The following COLEC10 variants were observed in gnomAD, a reference collection of about 807,000 sequenced individuals.
COLEC10 encodes collectin-10.
Under a neutral mutation model 28.4 loss-of-function variants are expected in COLEC10, and 22 were observed. That is an observed-to-expected ratio of 0.78 (90% CI 0.55 to 1.11). The LOEUF (loss-of-function observed/expected upper bound fraction) is 1.11, where lower values mean the gene tolerates loss of function less well. Ranked by LOEUF, COLEC10 falls within the 50% of genes least tolerant of loss-of-function variation. The pLI is 0.00. For synonymous variants in COLEC10, 125 were observed against 116.1 expected (o/e 1.08, Z -0.49); for missense variants, 361 against 344.1 (o/e 1.05, Z -0.39).
chr8:118,964,350 T>C, the COLEC10 span, among the ~76,000 whole-genome samples: 1 of 152,200 alleles, frequency 6.6e-6, no homozygotes, highest in South Asian at 2.1e-4. Flanking sequence ...TATAGAGCAC[T>C]AAATTAGGAG....
At chr8:119,050,957 A>G (rs1455416552) in intron 2 of COLEC10, among the ~76,000 whole-genome samples, 1 of 152,166 alleles carries the variant, frequency 6.6e-6, no homozygotes, top group Non-Finnish European at 1.5e-5. Context: ...CTAAACTATT[A>G]ATACTCCAGC....
chr8:119,004,039 T>G (rs1769100478), intron 1 of COLEC10, among the ~76,000 whole-genome samples: 1 of 152,094 alleles, frequency 6.6e-6, no homozygotes, highest in Non-Finnish European at 1.5e-5. Flanking sequence ...CCAGGACATA[T>G]GCTTAACCTA....
At chr8:119,015,746 A>C (rs1346046606) in intron 2 of COLEC10, among the ~76,000 whole-genome samples, 4 of 152,164 alleles carry the variant, frequency 2.6e-5, no homozygotes, top group African/African-American at 9.7e-5. Flanking sequence ...TTTCAGGGGC[A>C]GTAGTTTGTC....
At chr8:119,029,214 G>C (rs1032461138) in intron 2 of COLEC10, among the ~76,000 whole-genome samples, 1 of 152,136 alleles carries the variant, frequency 6.6e-6, no homozygotes, top group African/African-American at 2.4e-5. Context: ...GAAGCAGGAG[G>C]AACTTAATTA....
chr8:118,968,218 T>A, the COLEC10 span, among the ~76,000 whole-genome samples: 1 of 152,002 alleles, frequency 6.6e-6, no homozygotes, highest in African/African-American at 2.4e-5. Flanking sequence ...TGATTCAGAT[T>A]CACTTCTAGG....
intron 2 of COLEC10, among the ~76,000 whole-genome samples, chr8:119,050,228 T>G (rs1231472389): frequency 6.6e-6 from 1 of 152,220 alleles, no homozygotes; most frequent in Admixed American, 6.5e-5. Flanking sequence ...CTCTTGTAAT[T>G]TATAACTTTT....
intron 2 of COLEC10, among the ~76,000 whole-genome samples, chr8:119,053,979 C>G (rs765407362): frequency 2.6e-5 from 4 of 151,902 alleles, no homozygotes; most frequent in Non-Finnish European, 5.9e-5. Flanking sequence ...TAAAATGGAA[C>G]AATTAAAACA....
At chr8:119,048,113 T>A (rs188304449) in intron 2 of COLEC10, among the ~76,000 whole-genome samples, 59 of 152,236 alleles carry the variant, frequency 3.9e-4, no homozygotes, top group African/African-American at 1.2e-3. Context: ...TAGTACCCAA[T>A]AGGTAATTTT....
At chr8:118,984,291 G>A in the COLEC10 span, among the ~76,000 whole-genome samples, 4 of 152,062 alleles carry the variant, frequency 2.6e-5, no homozygotes, top group East Asian at 5.8e-4. Context: ...ATGAGAACAC[G>A]TGGACACTAA....
At chr8:119,056,949 C>G (rs1326065004) in intron 2 of COLEC10, among the ~76,000 whole-genome samples, 1 of 152,038 alleles carries the variant, frequency 6.6e-6, no homozygotes, top group Non-Finnish European at 1.5e-5. Context: ...ACATCATTCT[C>G]TCAACTAAGA....
the COLEC10 span, among the ~76,000 whole-genome samples, chr8:118,963,851 T>C: frequency 2.0e-5 from 3 of 152,184 alleles, no homozygotes; most frequent in Non-Finnish European, 4.4e-5. Context: ...ACTGGATAGA[T>C]ACAGAGTGCC....
At chr8:119,093,337 T>C (rs1312823138) in intron 3 of COLEC10, among the ~76,000 whole-genome samples, 2 of 152,180 alleles carry the variant, frequency 1.3e-5, no homozygotes, top group Non-Finnish European at 2.9e-5. Context: ...CAGCCTGCAT[T>C]CGGAGGCAGG....
chr8:118,963,188 G>T, the COLEC10 span, among the ~76,000 whole-genome samples: 2 of 152,086 alleles, frequency 1.3e-5, no homozygotes, highest in Non-Finnish European at 1.5e-5. Context: ...AGTGATAAAG[G>T]TAATAACAAC....
intron 2 of COLEC10, among the ~76,000 whole-genome samples, chr8:119,041,044 G>A (rs1261504890): frequency 6.6e-6 from 1 of 152,222 alleles, no homozygotes; most frequent in African/African-American, 2.4e-5. Flanking sequence ...TTTAGTTAGT[G>A]TGCCTGGACA....
At chr8:119,019,162 G>A (rs1456645423) in intron 2 of COLEC10, among the ~76,000 whole-genome samples, 2 of 152,148 alleles carry the variant, frequency 1.3e-5, no homozygotes, top group Non-Finnish European at 2.9e-5. Context: ...TAAACAGATG[G>A]TATAAATATG....
At chr8:119,050,831 G>GT (rs929961473) in intron 2 of COLEC10, among the ~76,000 whole-genome samples, 2 of 152,176 alleles carry the variant, frequency 1.3e-5, no homozygotes, top group African/African-American at 4.8e-5. Flanking sequence ...CATTGCCTGT[G>GT]TAAGTTAAGT....
intron 1 of COLEC10, among the ~76,000 whole-genome samples, chr8:119,008,898 G>A (rs112525465): frequency 1.3e-5 from 2 of 151,188 alleles, no homozygotes; most frequent in African/African-American, 4.9e-5. Flanking sequence ...CTAGCACAGT[G>A]CCTGGCACAT....
the COLEC10 span, among the ~76,000 whole-genome samples, chr8:118,984,859 AG>A: frequency 3.5e-4 from 54 of 152,270 alleles, no homozygotes; most frequent in African/African-American, 1.3e-3. Context: ...GCGGAAGGCA[AG>A]GAGGAGCAAG....
At chr8:118,971,167 C>G in the COLEC10 span, among the ~76,000 whole-genome samples, 2 of 151,910 alleles carry the variant, frequency 1.3e-5, no homozygotes. Flanking sequence ...GATAGGGTTT[C>G]AGACAAGCAA....
Sources: allele counts gnomAD v4.1 joint callset (sites outside exome capture counted in the v4.1 genomes callset), GRCh38; gene constraint gnomAD v4.1.1; transcripts MANE v1.5; gene names NCBI Gene and HGNC (gene_info 2026-07-23, HGNC 2026-07-21).